The following SEMA6D variants were observed in gnomAD, a reference collection of about 807,000 sequenced individuals.
The protein encoded by SEMA6D is semaphorin 6D.
SEMA6D carries 35 observed loss-of-function variants against 106.6 expected under a neutral mutation model. The observed-to-expected ratio is 0.33, with a 90% confidence interval of 0.25 to 0.44. SEMA6D has a LOEUF of 0.44. Ranked by LOEUF, SEMA6D falls within the 20% of genes least tolerant of loss-of-function variation. The pLI, the probability that SEMA6D is intolerant of heterozygous loss-of-function variation, is 1.00. For synonymous variants in SEMA6D, 499 were observed against 487.7 expected (o/e 1.02, Z -0.31); for missense variants, 1,185 against 1,345.9 (o/e 0.88, Z 1.87).
intron 1 of SEMA6D, among the ~76,000 whole-genome samples, chr15:47,277,113 G>A (rs540431272): frequency 7.2e-5 from 11 of 152,210 alleles, no homozygotes; most frequent in African/African-American, 1.2e-4. Flanking sequence ...ATGATATAAC[G>A]TTAATGGATG....
chr15:47,353,085 G>C (rs1463161232), intron 1 of SEMA6D, among the ~76,000 whole-genome samples: 1 of 151,712 alleles, frequency 6.6e-6, no homozygotes. Flanking sequence ...GTGTGTGTAT[G>C]TATGTATGTA....
intron 4 of SEMA6D, among the ~76,000 whole-genome samples, chr15:47,654,927 A>T (rs755817587): frequency 7.2e-5 from 11 of 152,212 alleles, no homozygotes; most frequent in Non-Finnish European, 1.5e-4. Context: ...ATAGCAATGC[A>T]AGAATGGCCT....
intron 4 of SEMA6D, among the ~76,000 whole-genome samples, chr15:47,603,085 G>T (rs935993581): frequency 6.6e-6 from 1 of 152,116 alleles, no homozygotes; most frequent in African/African-American, 2.4e-5. Flanking sequence ...TCATTGGATG[G>T]TACATTATGT....
chr15:47,326,951 A>G (rs2037157875), intron 1 of SEMA6D, among the ~76,000 whole-genome samples: 1 of 152,222 alleles, frequency 6.6e-6, no homozygotes, highest in African/African-American at 2.4e-5. Context: ...TGCCATTTCT[A>G]GGAGACTGTC....
intron 4 of SEMA6D, among the ~76,000 whole-genome samples, chr15:47,693,358 T>C (rs2078629852): frequency 6.6e-6 from 1 of 152,148 alleles, no homozygotes; most frequent in Non-Finnish European, 1.5e-5. Flanking sequence ...TGTGAGACAG[T>C]AAGCTTCTGT....
chr15:47,687,841 T>G (rs1214456287), intron 4 of SEMA6D, among the ~76,000 whole-genome samples: 1 of 152,184 alleles, frequency 6.6e-6, no homozygotes, highest in African/African-American at 2.4e-5. Context: ...TATTGAGATT[T>G]CTGACCATCA....
intron 3 of SEMA6D, among the ~76,000 whole-genome samples, chr15:47,473,766 G>A (rs2141209168): frequency 1.3e-5 from 2 of 152,270 alleles, no homozygotes; most frequent in Middle Eastern, 6.8e-3. Flanking sequence ...AGCAAACTCT[G>A]AAAAACTGTG....
At chr15:47,290,683 A>G (rs1426771326) in intron 1 of SEMA6D, among the ~76,000 whole-genome samples, 1 of 152,060 alleles carries the variant, frequency 6.6e-6, no homozygotes, top group African/African-American at 2.4e-5. Context: ...CTGCTACACT[A>G]GTGTCATATC....
At chr15:47,590,815 A>G (rs991112126) in intron 3 of SEMA6D, among the ~76,000 whole-genome samples, 1 of 152,218 alleles carries the variant, frequency 6.6e-6, no homozygotes, top group African/African-American at 2.4e-5. Flanking sequence ...CAGAGGGAAC[A>G]TGGCCCTGCC....
At chr15:47,652,799 C>T (rs1187341420) in intron 4 of SEMA6D, among the ~76,000 whole-genome samples, 1 of 152,138 alleles carries the variant, frequency 6.6e-6, no homozygotes, top group Non-Finnish European at 1.5e-5. Context: ...GGAAATGATC[C>T]TTTTTGTCTC....
chr15:47,621,071 T>G (rs1483632896), intron 4 of SEMA6D, among the ~76,000 whole-genome samples: 6 of 152,190 alleles, frequency 3.9e-5, no homozygotes, highest in Admixed American at 3.9e-4. Context: ...TACATCCTTG[T>G]TAGTTCACAG....
At chr15:47,614,403 G>A (rs1008075508) in intron 4 of SEMA6D, among the ~76,000 whole-genome samples, 16 of 152,172 alleles carry the variant, frequency 1.1e-4, no homozygotes, top group African/African-American at 3.9e-4. Flanking sequence ...GTTGTATCAA[G>A]TGCCAAACTC....
At chr15:47,188,634 G>T (rs1006908805) in intron 1 of SEMA6D, among the ~76,000 whole-genome samples, 12 of 152,216 alleles carry the variant, frequency 7.9e-5, no homozygotes, top group African/African-American at 2.9e-4. Flanking sequence ...GAATATATGT[G>T]TTATCTTTCC....
rs558535856 is a variant in SEMA6D, at chr15:47,316,401, T to A, written c.-238-95992T>A. On this transcript the variant is annotated intron_variant, in intron 1 of 19. Transcript: ENST00000558014. ...GCCACTGCAACTGGCCTCCTTTTCT[T>A]ATCTTATTGCCTGAGCTACTACTTC... is the stretch of plus-strand genomic sequence containing the variant. 2.3e-3 allele frequency among the ~76,000 whole-genome samples: 348 copies of A among 152,180 alleles called. 2 individuals are homozygous for A. The highest frequency in any genetic ancestry group is 3.8e-3 in the Non-Finnish European group (256 of 68,002).
chr15:47,433,446 C>G (rs1295702827), intron 2 of SEMA6D, among the ~76,000 whole-genome samples: 8 of 151,986 alleles, frequency 5.3e-5, no homozygotes, highest in Admixed American at 4.6e-4. Context: ...ACTTCAATGA[C>G]TTTTCATTAA....
intron 1 of SEMA6D, among the ~76,000 whole-genome samples, chr15:47,277,613 T>TTTATTTA (rs916454957): frequency 9.3e-5 from 12 of 129,624 alleles, no homozygotes; most frequent in African/African-American, 3.0e-4. Flanking sequence ...ATTATTATTA[T>TTTATTTA]TTATTATTAT....
chr15:47,278,331 T>A (rs906562124), intron 1 of SEMA6D, among the ~76,000 whole-genome samples: 76 of 152,316 alleles, frequency 5.0e-4, no homozygotes, highest in African/African-American at 1.8e-3. Flanking sequence ...GGTATCTCAT[T>A]GTGGTTTTGA....
At chr15:47,521,701 C>G (rs2044583925) in intron 3 of SEMA6D, among the ~76,000 whole-genome samples, 1 of 152,220 alleles carries the variant, frequency 6.6e-6, no homozygotes, top group East Asian at 1.9e-4. Context: ...CATAAAGATT[C>G]ACGGCTGGGC....
chr15:47,759,985 C>T (rs2081973482), intron 2 of SEMA6D, 78 bp downstream of exon 2: 2 of 1,034,820 alleles, frequency 1.9e-6, no homozygotes, highest in African/African-American at 3.2e-5. Context: ...TGTTCATTTT[C>T]AGAAAGAGGC....
Sources: gnomAD v4.1 joint callset for allele counts (sites outside exome capture counted in the v4.1 genomes callset) on GRCh38, gnomAD v4.1.1 for gene constraint, MANE v1.5 for transcripts, NCBI Gene and HGNC (gene_info 2026-07-23, HGNC 2026-07-21) for gene names.